Variants in CEP85L observed in about 807,000 individuals in gnomAD.
The protein encoded by CEP85L is centrosomal protein of 85 kDa-like.
A neutral mutation model predicts 100.3 loss-of-function variants in CEP85L; 60 were observed. The ratio of observed to expected loss-of-function variants is 0.60; its 90% CI spans 0.49 to 0.74. The LOEUF is 0.74. CEP85L is among the 30% of genes least tolerant of loss of function. The probability of loss-of-function intolerance (pLI) is 0.00; values close to 1 mark genes in which losing one functional copy is unlikely to be tolerated. For synonymous variants in CEP85L, 319 were observed against 322.7 expected, an observed-to-expected ratio of 0.99 and a Z score of 0.12; for missense variants, 973 against 936.2, an observed-to-expected ratio of 1.04 and a Z score of -0.51.
At chr6:118,618,872 GC>G (rs1474441665) in intron 2 of CEP85L, among the ~76,000 whole-genome samples, 1 of 152,158 alleles carries the variant, frequency 6.6e-6, no homozygotes, top group African/African-American at 2.4e-5. Flanking sequence ...CATCAGTGGT[GC>G]CCCCGACCCA....
At chr6:118,584,032 G>A (rs1234836285) in intron 2 of CEP85L, among the ~76,000 whole-genome samples, 3 of 152,176 alleles carry the variant, frequency 2.0e-5, no homozygotes, top group Non-Finnish European at 2.9e-5. Flanking sequence ...TAACACTGAC[G>A]GTGCTGCCTC....
chr6:118,558,800 T>A (rs1470410352), intron 3 of CEP85L: 7 of 734,402 alleles, frequency 9.5e-6, no homozygotes, highest in Non-Finnish European at 1.2e-5. Context: ...ATGATTCTAA[T>A]CCATTTATTA....
chr6:118,567,239 GTGTGTGTGTGTATATATATATA>G (rs1362106658), intron 2 of CEP85L, among the ~76,000 whole-genome samples: 1,847 of 53,184 alleles, frequency 0.035, 26 homozygotes, highest in African/African-American at 0.095. Context: ...GTGTGTGTGT[GTGTGTGTGTGTATATATATATA>G]TATATATATA....
At chr6:118,601,368 T>C (rs1781779494) in intron 2 of CEP85L, among the ~76,000 whole-genome samples, 1 of 152,236 alleles carries the variant, frequency 6.6e-6, no homozygotes, top group Admixed American at 6.5e-5. Context: ...AGGGCAATTT[T>C]ATTGGTAAAG....
intron 5 of CEP85L, among the ~76,000 whole-genome samples, chr6:118,494,668 C>T (rs1774805848): frequency 6.6e-6 from 1 of 152,192 alleles, no homozygotes; most frequent in South Asian, 2.1e-4. Context: ...GAGACCTAAA[C>T]ACAGGACTAT....
chr6:118,636,684 C>T (rs1412069170), intron 1 of CEP85L, among the ~76,000 whole-genome samples: 1 of 152,202 alleles, frequency 6.6e-6, no homozygotes, highest in East Asian at 1.9e-4. Flanking sequence ...TAACCATCCC[C>T]TAAGCAGAAG....
At position 118,511,359 on chromosome 6, in the gene CEP85L, G is replaced by A. The variant is rs769738142; in HGVS notation, c.1196C>T (p.Ala399Val). 7 of 1,613,178 alleles carry A rather than the reference G, an allele frequency of 4.3e-6. No individual in the cohort carries two copies. The highest frequency in any genetic ancestry group is 1.7e-4 in the Middle Eastern group (1 of 6,054). ...HERIRDNELRAQHAMLGHYVN... is the reference protein window; with the variant it reads ...HERIRDNELRVQHAMLGHYVN... ...ATAATGTCCTAACATGGCATGTTGA[G>A]CCCGTAATTCATTATCCCTTATCCT... Residue 399 changes from alanine (A) to valine (V), a missense_variant, in exon 5 of 13, where the codon GCT becomes GTT. Transcript: ENST00000368491.
At chr6:118,590,911 A>G (rs1332201364) in intron 2 of CEP85L, among the ~76,000 whole-genome samples, 2 of 152,104 alleles carry the variant, frequency 1.3e-5, no homozygotes, top group Non-Finnish European at 2.9e-5. Context: ...GGCGAGACAA[A>G]GGACCCTGGT....
At chr6:118,625,376 C>T (rs1773722490) in intron 2 of CEP85L, among the ~76,000 whole-genome samples, 1 of 152,206 alleles carries the variant, frequency 6.6e-6, no homozygotes, top group African/African-American at 2.4e-5. Flanking sequence ...TCCCGCCACG[C>T]CCGAGCGCCT....
chr6:118,569,341 C>CAAAAAAAAAAAAAAAAAAAAAAAAAAAAA (rs56123225), intron 2 of CEP85L, among the ~76,000 whole-genome samples: 2 of 68,214 alleles, frequency 2.9e-5, no homozygotes, highest in African/African-American at 1.3e-4. Context: ...GACTCTGTCT[C>CAAAAAAAAAAAAAAAAAAAAAAAAAAAAA]AAAAAAAAAA....
chr6:118,540,839 C>G (rs1583009282), intron 3 of CEP85L, among the ~76,000 whole-genome samples: 1 of 151,974 alleles, frequency 6.6e-6, no homozygotes, highest in Non-Finnish European at 1.5e-5. Context: ...TCAGTCAGAC[C>G]TAGGGAAACT....
At chr6:118,594,747 T>C (rs540885526) in intron 2 of CEP85L, among the ~76,000 whole-genome samples, 1 of 150,108 alleles carries the variant, frequency 6.7e-6, no homozygotes, top group Non-Finnish European at 1.5e-5. Flanking sequence ...TCCCAGCTAC[T>C]CGGTAGGCTG....
At position 118,565,829 on chromosome 6, in the gene CEP85L, A is replaced by C. The variant is rs1044697891; in HGVS notation, c.720T>G (p.Phe240Leu). 4 of 1,613,974 alleles carry C rather than the reference A, an allele frequency of 2.5e-6. No homozygotes were observed. The highest frequency in any genetic ancestry group is 2.2e-5 in the East Asian group (1 of 44,902). Residue 240 changes from phenylalanine to leucine, a missense_variant, in exon 3 of 13, where the codon TTT (phenylalanine) becomes TTG (leucine). Around this residue, in one of 3 missense-constraint regions of CEP85L, gnomAD observed 890 missense variants for 844.5 expected, o/e 1.05. Transcript: ENST00000368491. ...TCCTAAGAGTAGAGGAAGAGGCTCT[A>C]AAGTCCTCCTTGCTACAGCTCTCAA... is the stretch of plus-strand genomic sequence containing the variant. ...YKFESCSKED[F>L]RASSSTLRRQ...
In CEP85L at chr6:118,463,702, GAAGT is replaced by G. The variant is rs1193666236; in HGVS notation, c.*1699_*1702del. Reference sequence around the variant, plus strand: ...TGATTTCTTAGTGCCCAGATTCTCAGAAGTAAGAAGAGCAGGAAGGACTCAGACA... The same window carrying G: ...TGATTTCTTAGTGCCCAGATTCTCAGAAGAAGAGCAGGAAGGACTCAGACA... On this transcript the variant is annotated 3_prime_UTR_variant, in exon 13 of 13. Transcript: ENST00000368491. The G allele has an allele frequency of 6.6e-6, 1 of 152,046 alleles. No homozygotes were observed. The highest frequency in any genetic ancestry group is 2.4e-5 in the African/African-American group (1 of 41,432). 9.4% of individuals were successfully genotyped at this position (152,046 alleles called of 1,614,324 possible). A position where few individuals can be genotyped will look rare whatever the true frequency, so the allele number is the denominator to read the frequency against.
chr6:118,472,275 C>T (rs1282372370), intron 10 of CEP85L, among the ~76,000 whole-genome samples: 2 of 152,058 alleles, frequency 1.3e-5, no homozygotes, highest in African/African-American at 4.8e-5. Context: ...AGGCAATCTT[C>T]TCCATCAGAA....
intron 3 of CEP85L, among the ~76,000 whole-genome samples, chr6:118,529,281 A>G (rs1296401097): frequency 1.3e-5 from 2 of 152,146 alleles, no homozygotes; most frequent in Non-Finnish European, 2.9e-5. Flanking sequence ...GAGTGTTTTT[A>G]TATGTATCAC....
intron 3 of CEP85L, among the ~76,000 whole-genome samples, chr6:118,527,460 T>C (rs1433100397): frequency 6.6e-6 from 1 of 152,102 alleles, no homozygotes. Context: ...AATTTCATCA[T>C]AAGGACTAGA....
intron 3 of CEP85L, chr6:118,537,819 C>A: frequency 2.0e-6 from 2 of 985,278 alleles, no homozygotes; most frequent in Non-Finnish European, 2.4e-6. Flanking sequence ...CCTTCACTTG[C>A]CTTTGTCTCT....
At chr6:118,470,428 G>T (rs975092047) in intron 11 of CEP85L, 109 bp downstream of exon 11, 20 of 506,992 alleles carry the variant, frequency 3.9e-5, no homozygotes, top group Non-Finnish European at 6.6e-5. Flanking sequence ...TAATTAACAG[G>T]CATATCAAAA....
Sources: gnomAD v4.1 joint callset for allele counts (sites outside exome capture counted in the v4.1 genomes callset) on GRCh38, gnomAD v4.1.1 for gene constraint, gnomAD v4.1.1 regional missense constraint, MANE v1.5 for transcripts, NCBI Gene and HGNC (gene_info 2026-07-23, HGNC 2026-07-21) for gene names.